The following BTC variants were observed in gnomAD, a reference collection of about 807,000 sequenced individuals.
BTC encodes the protein probetacellulin.
A neutral mutation model predicts 18.1 loss-of-function variants in BTC; 13 were observed. The ratio of observed to expected loss-of-function variants is 0.72; its 90% CI spans 0.47 to 1.14. The LOEUF (loss-of-function observed/expected upper bound fraction) is 1.14, where lower values mean the gene tolerates loss of function less well. Among genes scored for constraint, BTC ranks in the 50% most tolerant of loss-of-function variants. The probability of loss-of-function intolerance (pLI) is 0.00; values close to 1 mark genes in which losing one functional copy is unlikely to be tolerated. For synonymous variants in BTC, 83 were observed against 79.4 expected (o/e 1.05, Z -0.24); for missense variants, 247 against 224.2 (o/e 1.10, Z -0.65).
intron 1 of BTC, among the ~76,000 whole-genome samples, chr4:74,792,883 T>C (rs1725671514): frequency 6.6e-6 from 1 of 152,252 alleles, no homozygotes; most frequent in Non-Finnish European, 1.5e-5. Context: ...GTTACCCTGC[T>C]GGGCTTGCAT....
chr4:74,765,209 A>G (rs1285047524), intron 2 of BTC, among the ~76,000 whole-genome samples: 2 of 151,952 alleles, frequency 1.3e-5, no homozygotes, highest in Non-Finnish European at 2.9e-5. Flanking sequence ...AGAATTTAAA[A>G]TTATCATAAA....
rs144848512 is a variant in BTC, at chr4:74,782,907, G to C, written c.64+11355C>G. On this transcript the variant is annotated intron_variant, in intron 1 of 5. Transcript: ENST00000395743. ...TGGCCACGTGTATGTCTTTCGAGAAGTGCCTGTTCGTGTCCTTTGCCTGTT... is the reference window on the plus strand; with the variant it reads ...TGGCCACGTGTATGTCTTTCGAGAACTGCCTGTTCGTGTCCTTTGCCTGTT... Among the ~76,000 whole-genome samples, 6 of 152,256 alleles carry C rather than the reference G, an allele frequency of 3.9e-5. No individual in the cohort carries two copies. In the East Asian group the frequency reaches 1.2e-3, roughly 29 times the overall value.
chr4:74,753,449 G>T (rs1367093942), intron 3 of BTC, among the ~76,000 whole-genome samples: 3 of 152,184 alleles, frequency 2.0e-5, no homozygotes, highest in Non-Finnish European at 4.4e-5. Context: ...TAGTAAATGT[G>T]CTATGCTGCA....
At chr4:74,781,225 T>C (rs929558520) in intron 1 of BTC, among the ~76,000 whole-genome samples, 2 of 130,612 alleles carry the variant, frequency 1.5e-5, no homozygotes, top group African/African-American at 7.2e-5. Context: ...TTCCAAATGC[T>C]GCCTTCCTGG....
At chr4:74,792,831 G>A (rs1725670155) in intron 1 of BTC, among the ~76,000 whole-genome samples, 1 of 152,090 alleles carries the variant, frequency 6.6e-6, no homozygotes, top group African/African-American at 2.4e-5. Flanking sequence ...CCCCGCTGTT[G>A]AGCTCTTTCT....
rs781814534 is a variant in BTC, at chr4:74,750,565, ATACT to A, written c.428+4_428+7del. The A allele has an allele frequency of 1.3e-6, 2 of 1,597,350 alleles. No homozygotes were observed. The highest frequency in any genetic ancestry group is 2.2e-5 in the East Asian group (1 of 44,682). ...GATTTACTTAAAATTAAGTTTAAAA[ATACT>A]TACTGACAGCATGTGCAGACACCGA... On this transcript the variant is annotated splice_donor_5th_base_variant and intron_variant, in intron 4 of 5. Transcript: ENST00000395743.
chr4:74,787,288 G>C (rs1259890149), intron 1 of BTC, among the ~76,000 whole-genome samples: 2 of 152,026 alleles, frequency 1.3e-5, no homozygotes, highest in Admixed American at 1.3e-4. Context: ...CTATGAGTCA[G>C]GTAAGTAACA....
At chr4:74,790,691 G>T (rs1725600765) in intron 1 of BTC, among the ~76,000 whole-genome samples, 1 of 152,186 alleles carries the variant, frequency 6.6e-6, no homozygotes, top group Non-Finnish European at 1.5e-5. Flanking sequence ...AGTCAGACTA[G>T]AATAGAATCA....
At chr4:74,754,458 A>T (rs1724544264) in intron 3 of BTC, among the ~76,000 whole-genome samples, 1 of 152,208 alleles carries the variant, frequency 6.6e-6, no homozygotes, top group Non-Finnish European at 1.5e-5. Context: ...GGGGAAGGAC[A>T]TCTAACTCAG....
At chr4:74,760,849 C>T (rs1724736688) in intron 2 of BTC, among the ~76,000 whole-genome samples, 1 of 152,074 alleles carries the variant, frequency 6.6e-6, no homozygotes, top group Non-Finnish European at 1.5e-5. Flanking sequence ...ATTCTCCTAC[C>T]TCAGCCTCCT....
intron 4 of BTC, among the ~76,000 whole-genome samples, chr4:74,748,937 C>A (rs1422322819): frequency 6.6e-6 from 1 of 152,160 alleles, no homozygotes; most frequent in East Asian, 1.9e-4. Flanking sequence ...CCAACTGATT[C>A]TCTGCCCTAA....
At chr4:74,786,730 T>A (rs2109919247) in intron 1 of BTC, among the ~76,000 whole-genome samples, 1 of 152,232 alleles carries the variant, frequency 6.6e-6, no homozygotes, top group South Asian at 2.1e-4. Flanking sequence ...CTTAGACACT[T>A]ATTTTAAAAG....
At chr4:74,763,662 A>G (rs1724823170) in intron 2 of BTC, among the ~76,000 whole-genome samples, 1 of 152,268 alleles carries the variant, frequency 6.6e-6, no homozygotes, top group South Asian at 2.1e-4. Flanking sequence ...TGAGAAAAAA[A>G]GAATCAGGGA....
At position 74,770,059 on chromosome 4, in the gene BTC, T is replaced by C; in HGVS notation, c.162A>G (p.Ala54=). 1 of 1,604,390 alleles carries C rather than the reference T, an allele frequency of 6.2e-7. No homozygotes were observed. The highest frequency in any genetic ancestry group is 8.5e-7 in the Non-Finnish European group (1 of 1,176,640). The change falls in exon 2 of 6, where the codon GCA becomes GCG. Residue 54 remains alanine, a splice_region_variant and synonymous_variant. Transcript: ENST00000395743. ...AATATAAAACTTGTTAAACTTTACC[T>C]GCACAGTTTTCCTCAGGGTCTCCAC... The part of the protein sequence containing the change: ...LLCGDPEENC[A]ATTTQSKRKG...
intron 2 of BTC, among the ~76,000 whole-genome samples, chr4:74,769,259 T>C (rs1394403360): frequency 6.6e-6 from 1 of 152,138 alleles, no homozygotes; most frequent in Non-Finnish European, 1.5e-5. Flanking sequence ...AAATAACCCC[T>C]GTAGAAGACC....
intron 1 of BTC, among the ~76,000 whole-genome samples, chr4:74,790,775 A>G (rs778437979): frequency 6.6e-6 from 1 of 152,170 alleles, no homozygotes; most frequent in Non-Finnish European, 1.5e-5. Context: ...CCAACTGAAC[A>G]TTATTAGTCA....
chr4:74,749,693 TGTTGTTG>T (rs1724403245), intron 4 of BTC, among the ~76,000 whole-genome samples: 1 of 134,902 alleles, frequency 7.4e-6, no homozygotes, highest in Non-Finnish European at 1.6e-5. Flanking sequence ...TTTTTGTTGT[TGTTGTTG>T]TTGTTGTTGT....
In BTC at chr4:74,745,400, C is replaced by T. The variant is rs1553955307; in HGVS notation, c.*1277G>A. On this transcript the variant is annotated 3_prime_UTR_variant, in exon 6 of 6. Coordinates refer to ENST00000395743, the MANE Select transcript of BTC (RefSeq NM_001729.4). ...ATTTGCAAAGATTCTAAAAAAGAAG[C>T]TGCTTGGCCGACAGGCACAAGTTGG... The T allele has an allele frequency of 6.6e-6, 1 of 152,198 alleles. No individual in the cohort carries two copies. The highest frequency in any genetic ancestry group is 2.4e-5 in the African/African-American group (1 of 41,432). The allele number at this position is 152,198 out of a possible 1,614,324, so 9.4% of individuals were successfully genotyped here.
intron 1 of BTC, among the ~76,000 whole-genome samples, chr4:74,781,056 A>G (rs1412052299): frequency 5.3e-5 from 8 of 152,036 alleles, no homozygotes; most frequent in African/African-American, 1.7e-4. Context: ...AGAAAACTTG[A>G]TGGTCATGGC....
Sources: allele counts gnomAD v4.1 joint callset (sites outside exome capture counted in the v4.1 genomes callset), GRCh38; gene constraint gnomAD v4.1.1; transcripts MANE v1.5; gene names NCBI Gene and HGNC (gene_info 2026-07-23, HGNC 2026-07-21).